Variants in TGFBR3 observed in about 807,000 individuals in gnomAD.
TGFBR3 encodes the protein transforming growth factor beta receptor type 3.
TGFBR3 carries 46 observed loss-of-function variants against 87.9 expected under a neutral mutation model. The observed-to-expected ratio is 0.52, with a 90% confidence interval of 0.41 to 0.67. The LOEUF is 0.67. Ranked by LOEUF, TGFBR3 falls within the 30% of genes least tolerant of loss-of-function variation. TGFBR3 has a pLI of 0.00. For missense variants in TGFBR3, 866 were observed against 1,041.9 expected (o/e 0.83, Z 2.32); for synonymous variants, 381 against 391.6 (o/e 0.97, Z 0.32).
chr1:91,834,837 C>T (rs191493712), intron 2 of TGFBR3, among the ~76,000 whole-genome samples: 13 of 152,302 alleles, frequency 8.5e-5, no homozygotes, highest in African/African-American at 1.4e-4. Context: ...TGCCACCACA[C>T]CCAGCTAATT....
rs17881898 is a variant in TGFBR3, at chr1:91,699,669, G to A, written c.2288-1539C>T. Reference sequence around the variant, plus strand: ...CATGAAGAAGGCAGAAAAAAATTTTGTATCACTGTTTTGGAAATGAGCAGC... The same window carrying A: ...CATGAAGAAGGCAGAAAAAAATTTTATATCACTGTTTTGGAAATGAGCAGC... On this transcript the variant is annotated intron_variant, in intron 14 of 16. Coordinates refer to ENST00000212355, the MANE Select transcript of TGFBR3 (RefSeq NM_003243.5). Among the ~76,000 whole-genome samples the A allele has an allele frequency of 6.8e-4, 104 of 152,250 alleles. No homozygotes were observed. The South Asian group carries it at 7.0e-3, about 10-fold the overall frequency.
chr1:91,849,652 A>G (rs1377969287), intron 2 of TGFBR3, among the ~76,000 whole-genome samples: 3 of 152,214 alleles, frequency 2.0e-5, no homozygotes, highest in Non-Finnish European at 4.4e-5. Flanking sequence ...GACATGCTTC[A>G]TAAGGACAAG....
At chr1:91,693,337 A>G (rs938656653) in intron 16 of TGFBR3, among the ~76,000 whole-genome samples, 1 of 152,266 alleles carries the variant, frequency 6.6e-6, no homozygotes, top group African/African-American at 2.4e-5. Flanking sequence ...TTTGCTGGAA[A>G]GCATCACAGG....
chr1:91,682,905 TC>T lies in TGFBR3; in HGVS notation c.*833del, dbSNP rs1221411965. On this transcript the variant is annotated 3_prime_UTR_variant, in exon 17 of 17. Coordinates refer to ENST00000212355, the MANE Select transcript of TGFBR3 (RefSeq NM_003243.5). ...TCGTCCTTGACTTTATAACTGAATT[TC>T]ACCTCAAATTATACATTAATTTGCA... The T allele has an allele frequency of 6.6e-6, 3 of 453,340 alleles. No individual in the cohort carries two copies. In the East Asian group the frequency reaches 2.1e-4, roughly 31 times the overall value. The allele number at this position is 453,340 out of a possible 1,614,324, so 28.1% of individuals were successfully genotyped here.
chr1:91,902,187 C>T (rs915903550), intron 1 of TGFBR3, among the ~76,000 whole-genome samples: 8 of 152,078 alleles, frequency 5.3e-5, no homozygotes, highest in Non-Finnish European at 7.4e-5. Context: ...GTTAGGTGCT[C>T]TCTTTCCAAA....
chr1:91,880,579 C>T (rs1328622532), intron 1 of TGFBR3, among the ~76,000 whole-genome samples: 1 of 151,862 alleles, frequency 6.6e-6, no homozygotes, highest in Non-Finnish European at 1.5e-5. Context: ...CCCTGGGTGA[C>T]AGAGCGAGAC....
Position 91,735,333 on chromosome 1 carries a change from TA to T in TGFBR3, c.385-375del, listed in dbSNP as rs368760230. On this transcript the variant is annotated intron_variant, in intron 4 of 16. Transcript: ENST00000212355. Reference sequence around the variant, plus strand: ...CTTGATGAATGTTCTCGTGGGCTTATAAAAAGCTTCAGGATCAAGACAAGTG... The same window carrying T: ...CTTGATGAATGTTCTCGTGGGCTTATAAAAGCTTCAGGATCAAGACAAGTG... Among the ~76,000 whole-genome samples, 34 of 152,320 alleles carry T rather than the reference TA, an allele frequency of 2.2e-4. 2 individuals carry two copies. Among genetic ancestry groups the T allele is most frequent in the African/African-American group, 7.5e-4 (31 of 41,564 alleles).
chr1:91,859,823 C>T lies in TGFBR3; in HGVS notation c.61+1648G>A, dbSNP rs977462686. The stretch of plus-strand genomic sequence containing the variant: ...ACTCGGAAGGCTGAGGCAGGAGAAT[C>T]GCTTGAACCCAGGAGACAGAGGTTG... On this transcript the variant is annotated intron_variant, in intron 2 of 16. Coordinates refer to ENST00000212355, the MANE Select transcript of TGFBR3 (RefSeq NM_003243.5). Among the ~76,000 whole-genome samples the T allele has an allele frequency of 1.1e-4, 16 of 150,806 alleles. 1 individual carries two copies. Among genetic ancestry groups the T allele is most frequent in the Admixed American group, 8.6e-4 (13 of 15,114 alleles).
At chr1:91,784,323 A>T (rs1225679373) in intron 3 of TGFBR3, among the ~76,000 whole-genome samples, 2 of 152,170 alleles carry the variant, frequency 1.3e-5, no homozygotes, top group African/African-American at 2.4e-5. Flanking sequence ...ATGCAAAAGG[A>T]AAGTCATTTA....
At chr1:91,879,227 C>A (rs974980025) in intron 1 of TGFBR3, among the ~76,000 whole-genome samples, 2 of 151,850 alleles carry the variant, frequency 1.3e-5, no homozygotes, top group Non-Finnish European at 2.9e-5. Context: ...CAAGATCACA[C>A]CACTGCACTC....
At chr1:91,701,980 T>C (rs1160914122) in intron 14 of TGFBR3, among the ~76,000 whole-genome samples, 1 of 152,198 alleles carries the variant, frequency 6.6e-6, no homozygotes, top group Non-Finnish European at 1.5e-5. Context: ...CCAGTGTGTC[T>C]CACGTGGTGG....
At chr1:91,738,988 CGCA>C (rs1673055422) in intron 4 of TGFBR3, among the ~76,000 whole-genome samples, 1 of 152,122 alleles carries the variant, frequency 6.6e-6, no homozygotes, top group Admixed American at 6.5e-5. Context: ...ACAGTTGAGA[CGCA>C]GCAAGTGTAA....
At chr1:91,872,977 AG>A (rs1371799025) in intron 1 of TGFBR3, among the ~76,000 whole-genome samples, 4 of 124,766 alleles carry the variant, frequency 3.2e-5, no homozygotes, top group East Asian at 5.1e-4. Context: ...GGGTGGTGGG[AG>A]GGGGGGATAG....
chr1:91,746,058 A>T (rs1673334841), intron 4 of TGFBR3, among the ~76,000 whole-genome samples: 1 of 152,190 alleles, frequency 6.6e-6, no homozygotes, highest in Non-Finnish European at 1.5e-5. Context: ...GCTGAAATAT[A>T]AAAAAAACCT....
intron 2 of TGFBR3, among the ~76,000 whole-genome samples, chr1:91,850,780 CAAA>C (rs61025683): frequency 1.9e-3 from 109 of 58,428 alleles, no homozygotes; most frequent in Admixed American, 1.6e-3. Context: ...GACCCTGTCT[CAAA>C]AAAAAAAAAA....
chr1:91,873,775 C>T (rs1345164911), intron 1 of TGFBR3, among the ~76,000 whole-genome samples: 1 of 152,050 alleles, frequency 6.6e-6, no homozygotes, highest in African/African-American at 2.4e-5. Context: ...GGTGAAACTC[C>T]GTCTCTACCA....
chr1:91,835,827 CAAAAAAAAAAAAAA>C (rs57326419), intron 2 of TGFBR3, among the ~76,000 whole-genome samples: 24,863 of 75,008 alleles, frequency 0.33, 3,103 homozygotes, highest in African/African-American at 0.45. Flanking sequence ...GACTCCACCT[CAAAAAAAAAAAAAA>C]AAAAAAAAAA....
At chr1:91,751,325 G>A (rs910780611) in intron 4 of TGFBR3, among the ~76,000 whole-genome samples, 4 of 152,086 alleles carry the variant, frequency 2.6e-5, no homozygotes, top group Admixed American at 1.3e-4. Flanking sequence ...TTCTTAGGGC[G>A]TTTTTGGACA....
chr1:91,791,176 C>T (rs1013419421), intron 3 of TGFBR3, among the ~76,000 whole-genome samples: 1 of 152,074 alleles, frequency 6.6e-6, no homozygotes, highest in African/African-American at 2.4e-5. Context: ...TTCTCTCTTA[C>T]CACACAGTTA....
Sources: gnomAD v4.1 joint callset for allele counts (sites outside exome capture counted in the v4.1 genomes callset) on GRCh38, gnomAD v4.1.1 for gene constraint, MANE v1.5 for transcripts, NCBI Gene and HGNC (gene_info 2026-07-23, HGNC 2026-07-21) for gene names.